The following PHRF1 variants were observed in gnomAD, a reference collection of about 807,000 sequenced individuals.
The protein encoded by PHRF1 is PHD and ring finger domains 1.
Under a neutral mutation model 128.9 loss-of-function variants are expected in PHRF1, and 53 were observed. The observed-to-expected ratio is 0.41, with a 90% CI of 0.33 to 0.52. PHRF1 has a LOEUF of 0.52. Ranked by LOEUF, PHRF1 falls within the 20% of genes least tolerant of loss-of-function variation. The probability of loss-of-function intolerance (pLI) is 0.21; values close to 1 mark genes in which losing one functional copy is unlikely to be tolerated. For synonymous variants in PHRF1, 1,178 were observed against 980.6 expected, an observed-to-expected ratio of 1.20 and a Z score of -3.76; for missense variants, 2,503 against 2,284.5, an observed-to-expected ratio of 1.10 and a Z score of -1.95.
In PHRF1 at chr11:611,997, T is replaced by C. The variant is rs1288882936; in HGVS notation, c.*220T>C. On this transcript the variant is annotated 3_prime_UTR_variant, in exon 18 of 18. Transcript: ENST00000264555. ...CTCACAGTTGAAAACTGGACACTTT[T>C]GTATGTATATTATAGAGACACTGTT... 3.1e-6 allele frequency: 2 copies of C among 645,912 alleles called. No homozygotes were observed. Among genetic ancestry groups the C allele is most frequent in the Admixed American group, 3.0e-5 (1 of 33,182 alleles). 40.0% of individuals were successfully genotyped at this position (645,912 alleles called of 1,614,324 possible).
intron 9 of PHRF1, among the ~76,000 whole-genome samples, chr11:601,251 A>G (rs1855605778): frequency 6.6e-6 from 1 of 151,700 alleles, no homozygotes; most frequent in Admixed American, 6.6e-5. Context: ...CAGCCTGGGC[A>G]ACATGATAAG....
At chr11:603,246 A>G (rs949824424) in intron 10 of PHRF1, among the ~76,000 whole-genome samples, 1 of 151,780 alleles carries the variant, frequency 6.6e-6, no homozygotes, top group African/African-American at 2.4e-5. Flanking sequence ...CGTAGACACA[A>G]GCGTTCGCCA....
Position 601,224 on chromosome 11 carries a change from C to T in PHRF1, c.1025-350C>T, listed in dbSNP as rs1056279513. On this transcript the variant is annotated intron_variant, in intron 9 of 17. Transcript: ENST00000264555. ...CTTTAGGAGGCTGAGGCAGGAGGAT[C>T]GCTTGAGCCCAGAGGCCAGCCTGGG... Among the ~76,000 whole-genome samples the T allele has an allele frequency of 5.9e-5, 9 of 152,012 alleles. No individual in the cohort carries two copies. In the South Asian group the frequency reaches 1.0e-3, roughly 18 times the overall value.
Position 607,678 on chromosome 11 carries a change from C to G in PHRF1, c.2222C>G (p.Pro741Arg), listed in dbSNP as rs894105976. The change falls in exon 14 of 18, where the codon CCC (proline) becomes CGC (arginine). Residue 741 changes from proline to arginine, a missense_variant. Transcript: ENST00000264555. ...SEASSRVPRE[P>R]GVHTGSSRPP... ...GCCAGCAGCAGGGTGCCCCGGGAGC[C>G]CGGGGTGCACACGGGCAGCTCCCGG... The G allele has an allele frequency of 1.9e-6, 3 of 1,610,292 alleles. No individual in the cohort carries two copies. The highest frequency in any genetic ancestry group is 2.5e-6 in the Non-Finnish European group (3 of 1,178,380).
intron 10 of PHRF1, 80 bp from the exon 11 acceptor site, chr11:605,039 G>A (rs370071655): frequency 4.2e-5 from 58 of 1,383,794 alleles, no homozygotes; most frequent in Non-Finnish European, 5.5e-5. Context: ...GCTGATGAAG[G>A]CTTCACGTGG....
chr11:595,899 C>G (rs1315006177), intron 6 of PHRF1, among the ~76,000 whole-genome samples: 2 of 152,230 alleles, frequency 1.3e-5, no homozygotes, highest in South Asian at 2.1e-4. Context: ...CGCCGCCCCC[C>G]TCTGCTGGCC....
Position 608,278 on chromosome 11 carries a change from G to C in PHRF1, c.2822G>C (p.Trp941Ser), listed in dbSNP as rs759828275. The C allele has an allele frequency of 1.2e-6, 2 of 1,609,862 alleles. No individual in the cohort carries two copies. The highest frequency in any genetic ancestry group is 2.7e-5 in the African/African-American group (2 of 74,910). ...RLRRPSPPEP[W>S]DEEDGASCST... ...CGGAGGCCATCCCCCCCAGAGCCCT[G>C]GGATGAGGAGGATGGGGCGTCTTGC... Residue 941 changes from tryptophan to serine, a missense_variant, in exon 14 of 18, where the codon TGG (tryptophan) becomes TCG (serine). Transcript: ENST00000264555.
In PHRF1 at chr11:609,675, C is replaced by A; in HGVS notation, c.4219C>A (p.Leu1407Met). ...RALVKRVTWN[L>M]QESESSAPAE... is the part of the protein sequence containing the mutation. ...CCTGGTGAAGCGGGTCACCTGGAAC[C>A]TGCAGGAGTCGGAGAGCAGCGCCCC... The change falls in exon 14 of 18, where the codon CTG (leucine) becomes ATG (methionine). Residue 1407 changes from leucine (L) to methionine (M), a missense_variant. Leu to Met is a conservative substitution (Grantham distance 15). Coordinates refer to ENST00000264555, the MANE Select transcript of PHRF1 (RefSeq NM_001286581.2). The A allele has an allele frequency of 6.5e-7, 1 of 1,544,332 alleles. No homozygotes were observed. The highest frequency in any genetic ancestry group is 8.7e-7 in the Non-Finnish European group (1 of 1,148,440).
Position 608,181 on chromosome 11 carries a change from G to A in PHRF1, c.2725G>A (p.Val909Met). ...SSAMSKLRGA[V>M]AAEGASDTER... is the part of the protein sequence containing the mutation. ...CGCCATGTCCAAGCTCCGGGGTGCA[G>A]TGGCTGCCGAGGGGGCCTCTGACAC... Residue 909 changes from valine (V) to methionine (M), a missense_variant, in exon 14 of 18, where the codon GTG becomes ATG. Coordinates refer to ENST00000264555, the MANE Select transcript of PHRF1 (RefSeq NM_001286581.2). The A allele has an allele frequency of 1.2e-6, 2 of 1,610,200 alleles. No individual in the cohort carries two copies. The highest frequency in any genetic ancestry group is 1.7e-6 in the Non-Finnish European group (2 of 1,179,828).
At position 607,409 on chromosome 11, in the gene PHRF1, C is replaced by T. The variant is rs771429242; in HGVS notation, c.1953C>T (p.Ser651=). The part of the protein sequence containing the change: ...PLASAASKIS[S]RDSKPPCRSV... ...CCTCTGCCGCGTCTAAGATCTCAAGCAGAGATTCTAAGCCCCCATGTCGCA... is the reference window on the plus strand; with the variant it reads ...CCTCTGCCGCGTCTAAGATCTCAAGTAGAGATTCTAAGCCCCCATGTCGCA... Residue 651 remains serine, a synonymous_variant, in exon 14 of 18, where the codon AGC becomes AGT. Transcript: ENST00000264555. 9.3e-6 allele frequency: 15 copies of T among 1,612,852 alleles called. No individual in the cohort carries two copies. In the Admixed American group the frequency reaches 2.3e-4, roughly 25 times the overall value.
Position 608,757 on chromosome 11 carries a change from T to G in PHRF1, c.3301T>G (p.Tyr1101Asp), listed in dbSNP as rs376872162. The G allele has an allele frequency of 1.9e-6, 3 of 1,611,158 alleles. No individual in the cohort carries two copies. The African/African-American group carries it at 4.0e-5, about 22-fold the overall frequency. ...GTCGGGGAGCCCTGGCAGCTCTTCCTATGAGCACTATGAGAGTAGGAAGAA... is the reference window on the plus strand; with the variant it reads ...GTCGGGGAGCCCTGGCAGCTCTTCCGATGAGCACTATGAGAGTAGGAAGAA... ...SRSGSPGSSS[Y>D]EHYESRKKKK... is the part of the protein sequence containing the mutation. The change falls in exon 14 of 18, where the codon TAT becomes GAT. Residue 1101 changes from tyrosine to aspartate, a missense_variant. Tyr to Asp is a radical substitution (Grantham distance 160). Transcript: ENST00000264555.
intron 2 of PHRF1, 56 bp from the exon 3 acceptor site, chr11:581,906 C>G (rs1002449839): frequency 6.6e-6 from 10 of 1,508,896 alleles, no homozygotes; most frequent in African/African-American, 2.8e-5. Context: ...GCAACCTGCT[C>G]TCTGCTGCAT....
intron 3 of PHRF1, among the ~76,000 whole-genome samples, chr11:586,491 G>A (rs751423589): frequency 2.0e-5 from 3 of 152,220 alleles, no homozygotes; most frequent in Non-Finnish European, 4.4e-5. Flanking sequence ...GCGTGGAACC[G>A]GGAGGGTTTG....
intron 13 of PHRF1, 31 bp from the exon 14 acceptor site, chr11:607,035 A>G: frequency 6.5e-7 from 1 of 1,533,712 alleles, no homozygotes; most frequent in African/African-American, 1.4e-5. Context: ...GTGGGTGGGA[A>G]ATGATTGCCA....
intron 3 of PHRF1, among the ~76,000 whole-genome samples, 183 bp downstream of exon 3, chr11:582,264 CT>C (rs71022934): frequency 0.71 from 85,697 of 120,554 alleles, 30,445 homozygotes; most frequent in Middle Eastern, 0.82. Flanking sequence ...TACTTCATTT[CT>C]TTTTTTTTTT....
chr11:587,440 G>A lies in PHRF1; in HGVS notation c.396G>A (p.Leu132=). ...AGAACTGTGCCCATTACTTCTGCCTGGACTGCATTGTCGAATGGTCCAAGG... is the reference window on the plus strand; with the variant it reads ...AGAACTGTGCCCATTACTTCTGCCTAGACTGCATTGTCGAATGGTCCAAGG... ...TPENCAHYFC[L]DCIVEWSKNA... is the part of the protein sequence containing the mutation. The change falls in exon 4 of 18, where the codon CTG becomes CTA. Residue 132 remains leucine, a synonymous_variant. Transcript: ENST00000264555. 6.2e-7 allele frequency: 1 copy of A among 1,613,434 alleles called. No homozygotes were observed. Among genetic ancestry groups the A allele is most frequent in the African/African-American group, 1.3e-5 (1 of 75,022 alleles).
In PHRF1 at chr11:612,032, AT is replaced by A. The variant is rs2133117329; in HGVS notation, c.*258del. The A allele has an allele frequency of 1.9e-6, 1 of 515,228 alleles. No homozygotes were observed. The highest frequency in any genetic ancestry group is 3.3e-5 in the East Asian group (1 of 30,596). The allele number at this position is 515,228 out of a possible 1,614,324, so 31.9% of individuals were successfully genotyped here. On this transcript the variant is annotated 3_prime_UTR_variant, in exon 18 of 18. Coordinates refer to ENST00000264555, the MANE Select transcript of PHRF1 (RefSeq NM_001286581.2). ...TTATAGAGACACTGTTTCCATTCTA[AT>A]TTATCAAAAATGGATTATCTTTAGA...
Position 597,718 on chromosome 11 carries a change from G to A in PHRF1, c.894+148G>A, listed in dbSNP as rs1039056469. On this transcript the variant is annotated intron_variant, in intron 8 of 17. Transcript: ENST00000264555. This position sits in a 1 kb window ranked among gnomAD's most constrained non-coding sequence, Gnocchi z 6.5. Reference sequence around the variant, plus strand: ...GTTGTTCGGCCTGCTGAGGGGAGCAGATGAGTGCACCCCAGGGTGACCCCA... The same window carrying A: ...GTTGTTCGGCCTGCTGAGGGGAGCAAATGAGTGCACCCCAGGGTGACCCCA... 3.7e-5 allele frequency: 41 copies of A among 1,122,948 alleles called. No homozygotes were observed. Among genetic ancestry groups the A allele is most frequent in the Non-Finnish European group, 5.0e-6 (4 of 800,982 alleles). 69.6% of individuals were successfully genotyped at this position (1,122,948 alleles called of 1,614,324 possible).
intron 13 of PHRF1, 172 bp from the exon 14 acceptor site, chr11:606,894 T>G (rs1855981770): frequency 1.8e-6 from 2 of 1,127,112 alleles, no homozygotes; most frequent in Admixed American, 2.9e-5. Flanking sequence ...ATCCACAGAG[T>G]GGCTGTTGAA....
Sources: gnomAD v4.1 joint callset for allele counts (sites outside exome capture counted in the v4.1 genomes callset) on GRCh38, gnomAD v4.1.1 for gene constraint, Gnocchi (gnomAD v3.1) non-coding constraint, MANE v1.5 for transcripts, NCBI Gene and HGNC (gene_info 2026-07-23, HGNC 2026-07-21) for gene names.